TMTC2: variants seen among roughly 807,000 people sequenced by gnomAD.
TMTC2 encodes protein O-mannosyl-transferase TMTC2.
In TMTC2, 43 loss-of-function variants were observed where a neutral mutation model predicts 82.4. That is an observed-to-expected ratio of 0.52 (90% CI 0.41 to 0.67). The LOEUF is 0.67. TMTC2 is among the 30% of genes least tolerant of loss of function. The probability of loss-of-function intolerance (pLI) is 0.00; values close to 1 mark genes in which losing one functional copy is unlikely to be tolerated. For synonymous variants in TMTC2, 408 were observed against 381.9 expected, an observed-to-expected ratio of 1.07 and a Z score of -0.80; for missense variants, 919 against 1,012.4, an observed-to-expected ratio of 0.91 and a Z score of 1.25.
chr12:83,131,018 G>T (rs1449113656), intron 11 of TMTC2, among the ~76,000 whole-genome samples: 1 of 152,166 alleles, frequency 6.6e-6, no homozygotes, highest in Non-Finnish European at 1.5e-5. Flanking sequence ...ACGGTAAAGA[G>T]TAGAGTCACA....
At chr12:83,119,695 C>T (rs1413239005) in intron 11 of TMTC2, among the ~76,000 whole-genome samples, 2 of 152,080 alleles carry the variant, frequency 1.3e-5, no homozygotes, top group African/African-American at 4.8e-5. Context: ...ATTGTTTCTT[C>T]ATTGACTTTC....
chr12:82,726,381 C>T (rs1330348515), intron 1 of TMTC2, among the ~76,000 whole-genome samples: 1 of 152,138 alleles, frequency 6.6e-6, no homozygotes, highest in East Asian at 1.9e-4. Flanking sequence ...GGTAATGACA[C>T]TTGTGGTTCT....
chr12:82,928,422 A>G (rs1161419843), intron 3 of TMTC2, among the ~76,000 whole-genome samples: 1 of 152,200 alleles, frequency 6.6e-6, no homozygotes, highest in Non-Finnish European at 1.5e-5. Context: ...CACGCCTATT[A>G]TGTTTGAAGA....
chr12:82,711,674 A>G (rs1033319417), intron 1 of TMTC2, among the ~76,000 whole-genome samples: 2 of 152,214 alleles, frequency 1.3e-5, no homozygotes, highest in Admixed American at 6.5e-5. Context: ...ATGAAAACAG[A>G]TGGACAATCT....
intron 11 of TMTC2, among the ~76,000 whole-genome samples, chr12:83,073,849 TTC>T (rs1198992525): frequency 1.3e-5 from 2 of 152,156 alleles, no homozygotes; most frequent in African/African-American, 4.8e-5. Context: ...CTTTCTGCTG[TTC>T]TGTTTCCTTG....
At chr12:83,066,486 T>C (rs1453064169) in intron 11 of TMTC2, among the ~76,000 whole-genome samples, 3 of 152,000 alleles carry the variant, frequency 2.0e-5, no homozygotes, top group Non-Finnish European at 4.4e-5. Context: ...GGAGTTTGTA[T>C]TTTAAAATGT....
At chr12:82,808,343 A>G (rs976332030) in intron 1 of TMTC2, among the ~76,000 whole-genome samples, 10 of 151,550 alleles carry the variant, frequency 6.6e-5, no homozygotes, top group Non-Finnish European at 1.5e-5. Flanking sequence ...AATAGACAGT[A>G]TAATTTTATT....
At chr12:82,730,693 C>T (rs1003266025) in intron 1 of TMTC2, among the ~76,000 whole-genome samples, 1 of 152,156 alleles carries the variant, frequency 6.6e-6, no homozygotes, top group Non-Finnish European at 1.5e-5. Flanking sequence ...AAATCAGATA[C>T]AGTGGAATGA....
chr12:82,967,623 T>C (rs1878270475), intron 7 of TMTC2, among the ~76,000 whole-genome samples: 1 of 152,030 alleles, frequency 6.6e-6, no homozygotes, highest in Non-Finnish European at 1.5e-5. Context: ...TTACTACAGC[T>C]GTTTGATGAT....
At chr12:82,968,757 T>C (rs1878326454) in intron 7 of TMTC2, among the ~76,000 whole-genome samples, 1 of 152,148 alleles carries the variant, frequency 6.6e-6, no homozygotes, top group Non-Finnish European at 1.5e-5. Context: ...TCTCATATGG[T>C]TACACAGATG....
intron 9 of TMTC2, among the ~76,000 whole-genome samples, chr12:83,048,045 C>T (rs1206860753): frequency 6.6e-6 from 1 of 152,086 alleles, no homozygotes. Flanking sequence ...AGGAAAAGAA[C>T]AATTAATAAT....
intron 2 of TMTC2, among the ~76,000 whole-genome samples, chr12:82,857,931 AT>A (rs1871342490): frequency 6.6e-6 from 1 of 152,256 alleles, no homozygotes; most frequent in Admixed American, 6.5e-5. Context: ...TTTGTAAAAA[AT>A]AACACGGCTG....
chr12:82,787,913 AAATAAT>A (rs547070452), intron 1 of TMTC2, among the ~76,000 whole-genome samples: 1 of 151,680 alleles, frequency 6.6e-6, no homozygotes. Context: ...ACTCCATCTC[AAATAAT>A]AATAATAATA....
chr12:82,859,458 G>A (rs368046370), intron 2 of TMTC2, among the ~76,000 whole-genome samples: 92 of 152,276 alleles, frequency 6.0e-4, no homozygotes, highest in Non-Finnish European at 9.6e-4. Flanking sequence ...AGGACCTTAC[G>A]AAGTTCTCTG....
chr12:82,718,577 G>T (rs1592870724), intron 1 of TMTC2, among the ~76,000 whole-genome samples: 1 of 152,150 alleles, frequency 6.6e-6, no homozygotes, highest in Non-Finnish European at 1.5e-5. Flanking sequence ...TGAACGTCAA[G>T]GGTTGGCTCA....
At chr12:82,857,997 A>T (rs981410561) in intron 2 of TMTC2, among the ~76,000 whole-genome samples, 12 of 152,214 alleles carry the variant, frequency 7.9e-5, no homozygotes, top group African/African-American at 2.9e-4. Flanking sequence ...ATTTGTTAAT[A>T]TTACTTTTCC....
chr12:82,780,430 A>G (rs1267722360), intron 1 of TMTC2, among the ~76,000 whole-genome samples: 2 of 151,942 alleles, frequency 1.3e-5, no homozygotes, highest in African/African-American at 4.8e-5. Context: ...TCACAACAGT[A>G]AACAGTTTTT....
chr12:83,115,850 C>T (rs1031765802), intron 11 of TMTC2, among the ~76,000 whole-genome samples: 7 of 152,114 alleles, frequency 4.6e-5, no homozygotes, highest in East Asian at 1.9e-4. Context: ...TGCAGTCGCA[C>T]GAGCTCGGCT....
intron 1 of TMTC2, among the ~76,000 whole-genome samples, chr12:82,711,458 G>T (rs953972109): frequency 6.6e-6 from 1 of 151,880 alleles, no homozygotes; most frequent in Non-Finnish European, 1.5e-5. Context: ...ACGAAAAAGG[G>T]CAAGAAACTA....
Sources: gnomAD v4.1 joint callset for allele counts (sites outside exome capture counted in the v4.1 genomes callset) on GRCh38, gnomAD v4.1.1 for gene constraint, MANE v1.5 for transcripts, NCBI Gene and HGNC (gene_info 2026-07-23, HGNC 2026-07-21) for gene names.